The following EXTL3 variants were observed in gnomAD, a reference collection of about 807,000 sequenced individuals.
EXTL3 encodes exostosin like glycosyltransferase 3.
EXTL3 carries 27 observed loss-of-function variants against 69.3 expected under a neutral mutation model. That is an observed-to-expected ratio of 0.39 (90% confidence interval 0.29 to 0.54). The LOEUF (loss-of-function observed/expected upper bound fraction) is 0.54. Among genes scored for constraint, EXTL3 ranks in the 20% least tolerant of loss-of-function variants. The pLI is 0.69. For synonymous variants in EXTL3, 511 were observed against 499.4 expected, an observed-to-expected ratio of 1.02 and a Z score of -0.31; for missense variants, 1,003 against 1,231.8, an observed-to-expected ratio of 0.81 and a Z score of 2.78.
In EXTL3 at chr8:28,681,274, G is replaced by A. The variant is rs187620642; in HGVS notation, c.-52-32183G>A. Among the ~76,000 whole-genome samples the A allele has an allele frequency of 4.3e-3, 649 of 151,780 alleles. 2 individuals are homozygous for A. The highest frequency in any genetic ancestry group is 0.02 in the Middle Eastern group (6 of 294). On this transcript the variant is annotated intron_variant, in intron 1 of 6. Transcript: ENST00000523149. ...TCACGCCTGTAATCCCAGCACTTTGGGCGGCTGAGGCAGGCAGATCACCTG... is the reference window on the plus strand; with the variant it reads ...TCACGCCTGTAATCCCAGCACTTTGAGCGGCTGAGGCAGGCAGATCACCTG...
Position 28,718,477 on chromosome 8 carries a change from G to A in EXTL3, c.2148+270G>A, listed in dbSNP as rs568995731. On this transcript the variant is annotated intron_variant, in intron 3 of 6. Coordinates refer to ENST00000220562, the MANE Select transcript of EXTL3 (RefSeq NM_001440.4). Reference sequence around the variant, plus strand: ...TATATTCAATATACAAAACCTTGTCGGTTATCCCGTAGACTTCCATGTCAT... The same window carrying A: ...TATATTCAATATACAAAACCTTGTCAGTTATCCCGTAGACTTCCATGTCAT... Among the ~76,000 whole-genome samples the A allele has an allele frequency of 5.3e-5, 8 of 152,222 alleles. No individual in the cohort carries two copies. The South Asian group carries it at 6.2e-4, about 12-fold the overall frequency.
intron 3 of EXTL3, among the ~76,000 whole-genome samples, chr8:28,719,863 T>A (rs993488782): frequency 4.6e-5 from 7 of 152,236 alleles, no homozygotes; most frequent in Admixed American, 1.3e-4. Flanking sequence ...TTAAGTTGAC[T>A]GAAATTCATC....
intron 2 of EXTL3, 111 bp from the exon 3 acceptor site, chr8:28,715,474 G>A (rs1458374349): frequency 1.3e-5 from 2 of 153,610 alleles, no homozygotes; most frequent in South Asian, 4.1e-4. Flanking sequence ...GACACAGCCA[G>A]TGTTCCAGCC....
In EXTL3 at chr8:28,734,872, G is replaced by A. The variant is rs1372918617; in HGVS notation, c.2277-2647G>A. Among the ~76,000 whole-genome samples the A allele has an allele frequency of 2.0e-5, 3 of 152,216 alleles. No homozygotes were observed. In the East Asian group the frequency reaches 5.8e-4, roughly 29 times the overall value. On this transcript the variant is annotated intron_variant, in intron 4 of 6. Transcript: ENST00000220562. ...CTGGAGCTGCCTTTGGCTTAGGCTT[G>A]TAAGAGCAGATGCTCAGATAAAAGG...
intron 3 of EXTL3, among the ~76,000 whole-genome samples, chr8:28,726,873 T>G (rs1259922181): frequency 2.2e-5 from 3 of 137,582 alleles, no homozygotes; most frequent in Non-Finnish European, 1.5e-5. Context: ...TAACAGCTTT[T>G]CTTTTCTTTT....
intron 1 of EXTL3, among the ~76,000 whole-genome samples, chr8:28,669,199 C>T (rs1183201181): frequency 6.6e-6 from 1 of 152,134 alleles, no homozygotes; most frequent in African/African-American, 2.4e-5. Flanking sequence ...TTTATGGTAC[C>T]TCTCTTACTC....
intron 1 of EXTL3, among the ~76,000 whole-genome samples, chr8:28,662,720 C>T (rs528488123): frequency 5.4e-4 from 80 of 148,176 alleles, no homozygotes; most frequent in Admixed American, 2.1e-3. Flanking sequence ...TCGAGACCAG[C>T]CTGGGCAACA....
intron 2 of EXTL3, among the ~76,000 whole-genome samples, chr8:28,610,770 T>A (rs544307963): frequency 3.1e-4 from 46 of 148,204 alleles, no homozygotes; most frequent in African/African-American, 1.1e-3. Context: ...TTAGATGGAG[T>A]CTCTGTCTTT....
chr8:28,620,587 C>T (rs1035904871), upstream of EXTL3, among the ~76,000 whole-genome samples: 2 of 152,224 alleles, frequency 1.3e-5, no homozygotes, highest in African/African-American at 4.8e-5. Flanking sequence ...GCTTCATGGC[C>T]TCTAGGCTGT....
chr8:28,677,310 C>G (rs1217405865), intron 1 of EXTL3, among the ~76,000 whole-genome samples: 1 of 152,032 alleles, frequency 6.6e-6, no homozygotes, highest in African/African-American at 2.4e-5. Context: ...TTTTAAAAAT[C>G]TAACTCCTTG....
chr8:28,707,837 G>A (rs1052207252), intron 1 of EXTL3, among the ~76,000 whole-genome samples: 6 of 152,178 alleles, frequency 3.9e-5, no homozygotes, highest in African/African-American at 1.4e-4. Flanking sequence ...GGACATTAGC[G>A]AACTGGTGGG....
rs1039257114 is a variant in EXTL3, at chr8:28,728,598, C to T, written c.2149-2625C>T. On this transcript the variant is annotated intron_variant, in intron 3 of 6. Transcript: ENST00000220562. ...CTGAGGTGAAGTCTTAAAGAAAGCT[C>T]TGGCCAAGAGTGTTGACTCTTGCCT... 2.5e-4 allele frequency among the ~76,000 whole-genome samples: 38 copies of T among 152,186 alleles called. 1 individual carries two copies. The highest frequency in any genetic ancestry group is 7.2e-4 in the Admixed American group (11 of 15,280).
At position 28,751,838 on chromosome 8, in the gene EXTL3, G is replaced by A. The variant is rs1029462677; in HGVS notation, c.*972G>A. On this transcript the variant is annotated 3_prime_UTR_variant, in exon 7 of 7. Transcript: ENST00000220562. The stretch of plus-strand genomic sequence containing the variant: ...AAGTGCTCTTTCTTGGATTGGACAG[G>A]AGATCAGCAGCGTGCACATCTGCTG... 2 of 152,370 alleles carry A rather than the reference G, an allele frequency of 1.3e-5. No homozygotes were observed. The highest frequency in any genetic ancestry group is 2.9e-5 in the Non-Finnish European group (2 of 68,154). The allele number at this position is 152,370 out of a possible 1,614,324, so 9.4% of individuals were successfully genotyped here.
At chr8:28,729,695 G>T (rs1057450922) in intron 3 of EXTL3, among the ~76,000 whole-genome samples, 5 of 151,484 alleles carry the variant, frequency 3.3e-5, no homozygotes, top group Admixed American at 3.3e-4. Flanking sequence ...AAAGGACTGG[G>T]TTTGGAATCA....
At chr8:28,643,457 C>G (rs1479504762) in intron 1 of EXTL3, among the ~76,000 whole-genome samples, 1 of 150,158 alleles carries the variant, frequency 6.7e-6, no homozygotes, top group Non-Finnish European at 1.5e-5. Context: ...CTCTTTCGCC[C>G]AGGCCGGACT....
upstream of EXTL3, among the ~76,000 whole-genome samples, chr8:28,698,716 G>A (rs1159376551): frequency 1.3e-5 from 2 of 151,934 alleles, no homozygotes; most frequent in African/African-American, 4.8e-5. Flanking sequence ...AAATTAGGCC[G>A]GGCGTGGTGG....
rs1373049443 is a variant in EXTL3, at chr8:28,751,144, C to T, written c.*278C>T. 1.0e-5 allele frequency: 5 copies of T among 482,232 alleles called. No individual in the cohort carries two copies. The highest frequency in any genetic ancestry group is 3.6e-5 in the East Asian group (1 of 28,118). The allele number at this position is 482,232 out of a possible 1,614,324, so 29.9% of individuals were successfully genotyped here. On this transcript the variant is annotated 3_prime_UTR_variant, in exon 7 of 7. Transcript: ENST00000220562. ...GGCGACTCTGCAGAGTCACTCACAC[C>T]GTTCGTACGCCCAGGACAGCTGGTT...
chr8:28,672,310 C>T (rs1367465337), intron 1 of EXTL3, among the ~76,000 whole-genome samples: 9 of 148,440 alleles, frequency 6.1e-5, no homozygotes, highest in South Asian at 2.1e-4. Context: ...CCCAGCTACT[C>T]GGGAGGCTGA....
chr8:28,664,373 C>CTTTGTTTG (rs36209329), intron 1 of EXTL3, among the ~76,000 whole-genome samples: 6 of 151,764 alleles, frequency 4.0e-5, no homozygotes, highest in Admixed American at 6.6e-5. Context: ...TTCTTTCCAT[C>CTTTGTTTG]TTTGTTTGTT....
Sources: gnomAD v4.1 joint callset for allele counts (sites outside exome capture counted in the v4.1 genomes callset) on GRCh38, gnomAD v4.1.1 for gene constraint, MANE v1.5 for transcripts, NCBI Gene and HGNC (gene_info 2026-07-23, HGNC 2026-07-21) for gene names.